BET1: variants seen among roughly 807,000 people sequenced by gnomAD.
BET1 encodes Bet1 golgi vesicular membrane trafficking protein.
Under a neutral mutation model 13.9 loss-of-function variants are expected in BET1, and 9 were observed. That is an observed-to-expected ratio of 0.65 (90% CI 0.39 to 1.13). The LOEUF (loss-of-function observed/expected upper bound fraction) is 1.13, where lower values mean the gene tolerates loss of function less well. Ranked by LOEUF, BET1 falls within the 50% of genes most tolerant of loss-of-function variation. BET1 has a pLI of 0.01. For synonymous variants in BET1, 39 were observed against 47.3 expected (o/e 0.82, Z 0.72); for missense variants, 127 against 133.6 (o/e 0.95, Z 0.24).
downstream of BET1, among the ~76,000 whole-genome samples, chr7:93,990,836 T>G (rs192660624): frequency 8.1e-5 from 12 of 148,888 alleles, no homozygotes; most frequent in Non-Finnish European, 1.8e-4. Flanking sequence ...TATATGCTTG[T>G]TTTTTTTTTC....
intron 6 of BET1, among the ~76,000 whole-genome samples, chr7:93,966,947 C>G (rs1405267499): frequency 6.6e-6 from 1 of 151,778 alleles, no homozygotes; most frequent in South Asian, 2.1e-4. Flanking sequence ...CTCTTTTTAA[C>G]CATGTTCCAT....
At chr7:93,981,552 T>G (rs1050969550) in intron 4 of BET1, among the ~76,000 whole-genome samples, 3 of 152,120 alleles carry the variant, frequency 2.0e-5, no homozygotes, top group Non-Finnish European at 4.4e-5. Context: ...GGGACCAAAA[T>G]GCAAAGAGAG....
intron 1 of BET1, chr7:94,000,372 C>T (rs1437949050): frequency 1.3e-5 from 2 of 152,148 alleles, no homozygotes; most frequent in African/African-American, 2.4e-5. Flanking sequence ...CTCGGCCCCC[C>T]AAAGTGCTGG....
intron 1 of BET1, chr7:93,999,661 T>C (rs1462158775): frequency 4.4e-6 from 2 of 457,228 alleles, no homozygotes; most frequent in Admixed American, 2.3e-5. Context: ...CATCTACCCA[T>C]TGAAAAAGCG....
At chr7:93,975,046 T>A (rs1795315484) in intron 5 of BET1, among the ~76,000 whole-genome samples, 1 of 151,944 alleles carries the variant, frequency 6.6e-6, no homozygotes, top group African/African-American at 2.4e-5. Flanking sequence ...AGAACCAAAT[T>A]GATGGAAATT....
intron 4 of BET1, among the ~76,000 whole-genome samples, chr7:93,979,274 A>G (rs1169244859): frequency 6.6e-6 from 1 of 152,090 alleles, no homozygotes; most frequent in Non-Finnish European, 1.5e-5. Context: ...AAAATAACCA[A>G]TGTCTAACAC....
downstream of BET1, among the ~76,000 whole-genome samples, chr7:93,989,810 A>G (rs1210986016): frequency 6.6e-6 from 1 of 152,320 alleles, no homozygotes; most frequent in East Asian, 1.9e-4. Flanking sequence ...TGAATCTAAA[A>G]CTATTTTAGA....
At chr7:93,985,820 C>T (rs775523052) in intron 4 of BET1, among the ~76,000 whole-genome samples, 1 of 151,982 alleles carries the variant, frequency 6.6e-6, no homozygotes, top group South Asian at 2.1e-4. Context: ...TCAGATTGTC[C>T]CACAATAAGA....
At chr7:93,966,948 C>T (rs1175299876) in intron 6 of BET1, among the ~76,000 whole-genome samples, 1 of 151,776 alleles carries the variant, frequency 6.6e-6, no homozygotes, top group African/African-American at 2.4e-5. Context: ...TCTTTTTAAC[C>T]ATGTTCCATT....
At chr7:93,966,854 T>A (rs1018408046) in intron 6 of BET1, among the ~76,000 whole-genome samples, 1 of 151,754 alleles carries the variant, frequency 6.6e-6, no homozygotes, top group Non-Finnish European at 1.5e-5. Context: ...GGGCTTTGGG[T>A]TATATTTGGA....
exon 7 of BET1, chr7:93,964,260 A>C (rs1274103227): frequency 6.6e-6 from 1 of 151,878 alleles, no homozygotes; most frequent in African/African-American, 2.4e-5. Context: ...TTTTCAACCC[A>C]TACCTTCCTT....
intron 4 of BET1, among the ~76,000 whole-genome samples, chr7:93,982,225 T>G: frequency 6.6e-6 from 1 of 152,116 alleles, no homozygotes; most frequent in East Asian, 1.9e-4. Flanking sequence ...TATAGATATA[T>G]AGATCAGTCT....
intron 4 of BET1, among the ~76,000 whole-genome samples, chr7:93,982,153 C>T (rs1255683268): frequency 1.3e-5 from 2 of 152,000 alleles, no homozygotes; most frequent in Admixed American, 1.3e-4. Flanking sequence ...TCTATGATAT[C>T]TAGTAGACTA....
chr7:93,987,355 C>G (rs544412484), intron 4 of BET1: 5 of 152,128 alleles, frequency 3.3e-5, no homozygotes, highest in African/African-American at 1.2e-4. Flanking sequence ...CTCTACAAAA[C>G]CATTTCAAAT....
intron 6 of BET1, chr7:93,969,301 C>A (rs1378211588): frequency 2.0e-5 from 3 of 151,804 alleles, no homozygotes; most frequent in African/African-American, 4.8e-5. Context: ...GTTAATAACA[C>A]AGAAAGAAGA....
At chr7:93,989,357 T>C (rs955026962), downstream of BET1, among the ~76,000 whole-genome samples, 1 of 152,138 alleles carries the variant, frequency 6.6e-6, no homozygotes, top group Admixed American at 6.6e-5. Context: ...AATATTAGAA[T>C]GCTGTTATTC....
At chr7:93,969,268 C>T (rs1441459750) in intron 6 of BET1, among the ~76,000 whole-genome samples, 1 of 151,786 alleles carries the variant, frequency 6.6e-6, no homozygotes, top group East Asian at 1.9e-4. Flanking sequence ...CACTCTCTGA[C>T]TTTTGAGTTC....
intron 6 of BET1, chr7:93,972,445 G>A (rs1795271818): frequency 6.6e-6 from 1 of 151,814 alleles, no homozygotes; most frequent in Admixed American, 6.6e-5. Context: ...CTTTCCAGAT[G>A]GGGAAATAGA....
intron 4 of BET1, among the ~76,000 whole-genome samples, chr7:93,981,060 C>T (rs1795419442): frequency 6.6e-6 from 1 of 152,082 alleles, no homozygotes; most frequent in Non-Finnish European, 1.5e-5. Flanking sequence ...GGAGATTTCC[C>T]CTTGTTTCAT....
Sources: gnomAD v4.1 joint callset for allele counts (sites outside exome capture counted in the v4.1 genomes callset) on GRCh38, gnomAD v4.1.1 for gene constraint, MANE v1.5 for transcripts, NCBI Gene and HGNC (gene_info 2026-07-23, HGNC 2026-07-21) for gene names.